HS6ST3: variants seen among roughly 807,000 people sequenced by gnomAD.
The protein encoded by HS6ST3 is heparan-sulfate 6-O-sulfotransferase 3.
HS6ST3 carries 12 observed loss-of-function variants against 36.7 expected under a neutral mutation model. The observed-to-expected ratio is 0.33, with a 90% CI of 0.21 to 0.53. The LOEUF (loss-of-function observed/expected upper bound fraction) is 0.53. Ranked by LOEUF, HS6ST3 falls within the 20% of genes least tolerant of loss-of-function variation. The pLI, the probability that HS6ST3 is intolerant of heterozygous loss-of-function variation, is 0.95. For missense variants in HS6ST3, 584 were observed against 640.9 expected, an observed-to-expected ratio of 0.91 and a Z score of 0.96; for synonymous variants, 240 against 257.5, an observed-to-expected ratio of 0.93 and a Z score of 0.65.
chr13:96,737,533 G>A (rs2138481915), intron 1 of HS6ST3, among the ~76,000 whole-genome samples: 1 of 148,644 alleles, frequency 6.7e-6, no homozygotes, highest in East Asian at 2.0e-4. Context: ...GCTGAGGCAG[G>A]AGAATGGCGT....
intron 1 of HS6ST3, among the ~76,000 whole-genome samples, chr13:96,817,376 C>T (rs1260765001): frequency 6.6e-6 from 1 of 152,024 alleles, no homozygotes; most frequent in Non-Finnish European, 1.5e-5. Context: ...CACTGTGGGC[C>T]CCTTGAATTT....
chr13:96,648,257 A>G (rs913714157), intron 1 of HS6ST3, among the ~76,000 whole-genome samples: 49 of 152,032 alleles, frequency 3.2e-4, no homozygotes, highest in African/African-American at 1.2e-3. Flanking sequence ...CAAATATAAC[A>G]TGCCTAAAAT....
chr13:96,395,321 G>A (rs2055415302), intron 1 of HS6ST3, among the ~76,000 whole-genome samples: 1 of 152,302 alleles, frequency 6.6e-6, no homozygotes, highest in East Asian at 1.9e-4. Context: ...AAACAAACTA[G>A]TTAAGTCACA....
At chr13:96,495,110 T>A (rs1170017919) in intron 1 of HS6ST3, among the ~76,000 whole-genome samples, 1 of 152,190 alleles carries the variant, frequency 6.6e-6, no homozygotes, top group Non-Finnish European at 1.5e-5. Context: ...TACTCTTCTC[T>A]TTTCCAGAAT....
At chr13:96,677,406 G>C (rs754925558) in intron 1 of HS6ST3, among the ~76,000 whole-genome samples, 1 of 152,076 alleles carries the variant, frequency 6.6e-6, no homozygotes, top group African/African-American at 2.4e-5. Flanking sequence ...TCTGTTAATA[G>C]GATATGAGTA....
intron 1 of HS6ST3, among the ~76,000 whole-genome samples, chr13:96,163,332 A>C (rs771125725): frequency 7.4e-5 from 11 of 148,910 alleles, no homozygotes; most frequent in South Asian, 4.2e-4. Flanking sequence ...CGGGTTCACG[A>C]CATTCTCCTG....
rs140607914 is a variant in HS6ST3, at chr13:96,284,187, A to G, written c.707+192618A>G. Among the ~76,000 whole-genome samples the G allele has an allele frequency of 2.3e-3, 345 of 152,220 alleles. 1 individual carries two copies. Among genetic ancestry groups the G allele is most frequent in the African/African-American group, 7.7e-3 (321 of 41,546 alleles). On this transcript the variant is annotated intron_variant, in intron 1 of 1. Transcript: ENST00000376705. ...TTCCCCATTGATGTTTTGGTTGTGT[A>G]TGAGTCAGGGTTCTCTAGAGGCACA... is the stretch of plus-strand genomic sequence containing the variant.
At chr13:96,136,420 A>C (rs996382825) in intron 1 of HS6ST3, among the ~76,000 whole-genome samples, 2 of 152,060 alleles carry the variant, frequency 1.3e-5, no homozygotes, top group Admixed American at 6.5e-5. Flanking sequence ...GGCGTCTTAC[A>C]TGGTAGGACC....
intron 1 of HS6ST3, among the ~76,000 whole-genome samples, chr13:96,171,505 A>G (rs1042710283): frequency 6.6e-6 from 1 of 152,114 alleles, no homozygotes; most frequent in Non-Finnish European, 1.5e-5. Flanking sequence ...TTCTTTGACA[A>G]TATTCTTCTC....
At chr13:96,678,839 A>G (rs2056708315) in intron 1 of HS6ST3, among the ~76,000 whole-genome samples, 2 of 152,134 alleles carry the variant, frequency 1.3e-5, no homozygotes, top group Admixed American at 6.6e-5. Flanking sequence ...TATCCCTTTC[A>G]TTATTCATTT....
chr13:96,805,928 T>C (rs1878187650), intron 1 of HS6ST3, among the ~76,000 whole-genome samples: 1 of 152,204 alleles, frequency 6.6e-6, no homozygotes, highest in South Asian at 2.1e-4. Context: ...CTTTGTTTCA[T>C]GAATGCAGGA....
chr13:96,754,494 G>C (rs909345954), intron 1 of HS6ST3, among the ~76,000 whole-genome samples: 1 of 152,148 alleles, frequency 6.6e-6, no homozygotes, highest in African/African-American at 2.4e-5. Flanking sequence ...TTGTATACTT[G>C]AGTACCAAGG....
intron 1 of HS6ST3, among the ~76,000 whole-genome samples, chr13:96,672,466 C>T (rs1371144543): frequency 6.6e-6 from 1 of 152,184 alleles, no homozygotes; most frequent in African/African-American, 2.4e-5. Context: ...GGCAACCCCT[C>T]TCCAGCAGCC....
chr13:96,164,090 GA>G (rs2054149924), intron 1 of HS6ST3, among the ~76,000 whole-genome samples: 1 of 152,126 alleles, frequency 6.6e-6, no homozygotes, highest in Non-Finnish European at 1.5e-5. Flanking sequence ...TATCTTGGGG[GA>G]AGAGTCACTT....
intron 1 of HS6ST3, among the ~76,000 whole-genome samples, chr13:96,267,404 AAATTCT>A (rs2054697723): frequency 6.6e-6 from 1 of 152,180 alleles, no homozygotes; most frequent in African/African-American, 2.4e-5. Flanking sequence ...ATTTAAATCT[AAATTCT>A]AATTCTAATT....
At chr13:96,232,904 A>G (rs1319656596) in intron 1 of HS6ST3, among the ~76,000 whole-genome samples, 1 of 152,184 alleles carries the variant, frequency 6.6e-6, no homozygotes, top group Non-Finnish European at 1.5e-5. Context: ...TTGGGTGGTT[A>G]GGCCTAGTGT....
At chr13:96,224,463 A>T (rs1350228577) in intron 1 of HS6ST3, among the ~76,000 whole-genome samples, 2 of 152,072 alleles carry the variant, frequency 1.3e-5, no homozygotes, top group African/African-American at 4.8e-5. Context: ...CTGGGACCAT[A>T]GGCATGCCCC....
intron 1 of HS6ST3, among the ~76,000 whole-genome samples, chr13:96,673,859 T>G (rs1423955210): frequency 6.6e-6 from 1 of 152,186 alleles, no homozygotes; most frequent in East Asian, 1.9e-4. Context: ...TTATTTAAAT[T>G]AGATTTTGAA....
chr13:96,706,440 T>TATATAA (rs1491180585), intron 1 of HS6ST3, among the ~76,000 whole-genome samples: 8 of 137,606 alleles, frequency 5.8e-5, no homozygotes, highest in Admixed American at 3.6e-4. Flanking sequence ...TATATATATA[T>TATATAA]AATCAGGGAA....
Sources: allele counts gnomAD v4.1 joint callset (sites outside exome capture counted in the v4.1 genomes callset), GRCh38; gene constraint gnomAD v4.1.1; transcripts MANE v1.5; gene names NCBI Gene and HGNC (gene_info 2026-07-23, HGNC 2026-07-21).